PCP4: variants seen among roughly 807,000 people sequenced by gnomAD.
The protein encoded by PCP4 is calmodulin regulator protein PCP4.
Under a neutral mutation model 10.0 loss-of-function variants are expected in PCP4, and 8 were observed. That is an observed-to-expected ratio of 0.80 (90% CI 0.47 to 1.45). The LOEUF (loss-of-function observed/expected upper bound fraction) is 1.45, where lower values mean the gene tolerates loss of function less well. Among genes scored for constraint, PCP4 ranks in the 40% most tolerant of loss-of-function variants. PCP4 has a pLI of 0.00. For synonymous variants in PCP4, 21 were observed against 23.0 expected, an observed-to-expected ratio of 0.91 and a Z score of 0.24; for missense variants, 54 against 74.4, an observed-to-expected ratio of 0.73 and a Z score of 1.01.
At chr21:39,925,801 C>T (rs577966086) in intron 2 of PCP4, among the ~76,000 whole-genome samples, 2 of 152,284 alleles carry the variant, frequency 1.3e-5, no homozygotes, top group East Asian at 1.9e-4. Flanking sequence ...GGCCACCCTG[C>T]TCCTGTGGCC....
intron 1 of PCP4, 136 bp downstream of exon 1, chr21:39,867,646 C>T: frequency 1.1e-6 from 1 of 898,640 alleles, no homozygotes. Context: ...GCTTGGAGAA[C>T]TGACAGGATT....
At chr21:39,895,895 T>A (rs1277893886) in intron 1 of PCP4, among the ~76,000 whole-genome samples, 1 of 152,208 alleles carries the variant, frequency 6.6e-6, no homozygotes, top group African/African-American at 2.4e-5. Context: ...AGACCTCCAT[T>A]GAAAATGTCA....
intron 1 of PCP4, among the ~76,000 whole-genome samples, chr21:39,892,607 A>G (rs1335511971): frequency 2.0e-5 from 3 of 152,106 alleles, no homozygotes; most frequent in Admixed American, 2.0e-4. Flanking sequence ...GTATATATTT[A>G]TAGGGGACAT....
chr21:39,895,584 C>T (rs1455116509), intron 1 of PCP4, among the ~76,000 whole-genome samples: 2 of 152,266 alleles, frequency 1.3e-5, no homozygotes, highest in Admixed American at 6.5e-5. Flanking sequence ...GCCTCTGCCT[C>T]TTCCCCACTT....
intron 2 of PCP4, among the ~76,000 whole-genome samples, chr21:39,909,037 T>C (rs2087527042): frequency 6.6e-6 from 1 of 152,220 alleles, no homozygotes; most frequent in African/African-American, 2.4e-5. Flanking sequence ...AATTGCTCTT[T>C]TCTGCACCAT....
At chr21:39,871,545 AGGAC>A (rs2087320009) in intron 1 of PCP4, among the ~76,000 whole-genome samples, 1 of 152,234 alleles carries the variant, frequency 6.6e-6, no homozygotes, top group African/African-American at 2.4e-5. Context: ...ACCTGCAGCA[AGGAC>A]TCTGACAGAT....
chr21:39,916,031 T>G (rs1328347554), intron 2 of PCP4: 1 of 152,212 alleles, frequency 6.6e-6, no homozygotes, highest in Non-Finnish European at 1.5e-5. Flanking sequence ...ATCCCTCCAA[T>G]CAGCCTGAAG....
chr21:39,867,442 A>G lies in PCP4; in HGVS notation c.-60A>G. 2 of 1,605,294 alleles carry G rather than the reference A, an allele frequency of 1.2e-6. No homozygotes were observed. The highest frequency in any genetic ancestry group is 4.5e-5 in the East Asian group (2 of 44,810). On this transcript the variant is annotated 5_prime_UTR_variant, in exon 1 of 3. Transcript: ENST00000328619. ...AAAAGCCAGAACCGGTGGAGCAGCG[A>G]CCCCTGAGCAGTGTTCTCTGTGCTG...
At chr21:39,900,178 G>T (rs1490147868) in intron 2 of PCP4, among the ~76,000 whole-genome samples, 3 of 152,022 alleles carry the variant, frequency 2.0e-5, no homozygotes, top group Admixed American at 2.0e-4. Flanking sequence ...GGGATTACAG[G>T]CACCCACCAC....
chr21:39,873,601 C>T (rs1010445163), intron 1 of PCP4, among the ~76,000 whole-genome samples: 6 of 152,094 alleles, frequency 3.9e-5, no homozygotes, highest in Non-Finnish European at 8.8e-5. Context: ...TTCCTATCAT[C>T]CCCAGGGATG....
chr21:39,900,284 C>G (rs2087476733), intron 2 of PCP4, among the ~76,000 whole-genome samples: 1 of 152,216 alleles, frequency 6.6e-6, no homozygotes, highest in Admixed American at 6.5e-5. Context: ...ATCCACCCGC[C>G]TCGGCCCCCC....
At chr21:39,918,286 C>T (rs984499048) in intron 2 of PCP4, among the ~76,000 whole-genome samples, 5 of 152,060 alleles carry the variant, frequency 3.3e-5, no homozygotes, top group Non-Finnish European at 5.9e-5. Flanking sequence ...TCTTTGTAAT[C>T]GATAAGCATG....
At chr21:39,919,228 C>T (rs2087583198) in intron 2 of PCP4, among the ~76,000 whole-genome samples, 1 of 152,132 alleles carries the variant, frequency 6.6e-6, no homozygotes, top group South Asian at 2.1e-4. Context: ...CCGAGGGGAT[C>T]CCAGCTAAGA....
chr21:39,929,134 A>G lies in PCP4; in HGVS notation c.*23A>G. 6.3e-7 allele frequency: 1 copy of G among 1,593,082 alleles called. No individual in the cohort carries two copies. The highest frequency in any genetic ancestry group is 8.6e-7 in the Non-Finnish European group (1 of 1,169,400). ...TAGTGGGAGAACCCCCTCCTAGTCC[A>G]CCTGAAAACACCAAATTCAACCATC... On this transcript the variant is annotated 3_prime_UTR_variant, in exon 3 of 3. Coordinates refer to ENST00000328619, the MANE Select transcript of PCP4 (RefSeq NM_006198.3).
intron 2 of PCP4, among the ~76,000 whole-genome samples, chr21:39,926,490 C>T (rs2087621848): frequency 1.5e-3 from 1 of 666 alleles, no homozygotes; most frequent in African/African-American, 6.5e-3. Context: ...TCCCCTCCTA[C>T]TTGGAATCAG....
Position 39,878,054 on chromosome 21 carries a change from A to G in PCP4, c.9+10544A>G, listed in dbSNP as rs369895098. 5.3e-5 allele frequency among the ~76,000 whole-genome samples: 8 copies of G among 152,264 alleles called. No homozygotes were observed. The East Asian group carries it at 1.2e-3, about 22-fold the overall frequency. Reference sequence around the variant, plus strand: ...TATACCGTTTCATCTTCCCAGCACTATATCATTGAACTCCCATTGATGGAG... The same window carrying G: ...TATACCGTTTCATCTTCCCAGCACTGTATCATTGAACTCCCATTGATGGAG... On this transcript the variant is annotated intron_variant, in intron 1 of 2. Transcript: ENST00000328619.
intron 1 of PCP4, among the ~76,000 whole-genome samples, chr21:39,890,997 A>G (rs1241937708): frequency 1.3e-5 from 2 of 152,152 alleles, no homozygotes; most frequent in Admixed American, 6.5e-5. Context: ...GGTATTGATG[A>G]TGTTGCACAG....
rs2087467704 is a variant in PCP4, at chr21:39,898,435, T to C, written c.10-41T>C. ...AGAGACAAAAGTAATCCCGAGTATA[T>C]CTGATAACAATTGCTTTTTTCTTTT... On this transcript the variant is annotated intron_variant, in intron 1 of 2. Transcript: ENST00000328619. 6 of 1,522,768 alleles carry C rather than the reference T, an allele frequency of 3.9e-6. No individual in the cohort carries two copies. In the East Asian group the frequency reaches 1.3e-4, roughly 34 times the overall value. 94.3% of individuals were successfully genotyped at this position (1,522,768 alleles called of 1,614,324 possible). A position where few individuals can be genotyped will look rare whatever the true frequency, so the allele number is the denominator to read the frequency against.
At position 39,897,902 on chromosome 21, in the gene PCP4, C is replaced by T. The variant is rs565172278; in HGVS notation, c.10-574C>T. On this transcript the variant is annotated intron_variant, in intron 1 of 2. Transcript: ENST00000328619. ...TCTACTAAAAATACAAAAAATTAGC[C>T]GTACGTGGTCGTGGGCGCCTGTAGT... Among the ~76,000 whole-genome samples the T allele has an allele frequency of 3.2e-4, 48 of 151,894 alleles. 1 individual carries two copies. The South Asian group carries it at 3.8e-3, about 12-fold the overall frequency.
Sources: allele counts gnomAD v4.1 joint callset (sites outside exome capture counted in the v4.1 genomes callset), GRCh38; gene constraint gnomAD v4.1.1; transcripts MANE v1.5; gene names NCBI Gene and HGNC (gene_info 2026-07-23, HGNC 2026-07-21).